IL1RAPL2: variants seen among roughly 807,000 people sequenced by gnomAD.
IL1RAPL2 encodes the protein X-linked interleukin-1 receptor accessory protein-like 2.
IL1RAPL2 carries 3 observed loss-of-function variants against 44.1 expected under a neutral mutation model. That is an observed-to-expected ratio of 0.07 (90% CI 0.03 to 0.18). The LOEUF (loss-of-function observed/expected upper bound fraction) is 0.18, where lower values mean the gene tolerates loss of function less well. Among genes scored for constraint, IL1RAPL2 ranks in the 10% least tolerant of loss-of-function variants. IL1RAPL2 has a pLI of 1.00. For missense variants in IL1RAPL2, 391 were observed against 496.4 expected (o/e 0.79, Z 2.02); for synonymous variants, 181 against 178.8 (o/e 1.01, Z -0.10).
At chrX:105,205,830 A>T (rs898500755) in intron 3 of IL1RAPL2, among the ~76,000 whole-genome samples, 2 of 109,502 alleles carry the variant, frequency 1.8e-5, no homozygotes, top group Non-Finnish European at 3.8e-5. Context: ...TCCAATTTCC[A>T]TTTAAAAAAT....
intron 2 of IL1RAPL2, among the ~76,000 whole-genome samples, chrX:105,137,044 T>G (rs2033082403): frequency 9.0e-6 from 1 of 111,388 alleles, no homozygotes; most frequent in African/African-American, 3.3e-5. Context: ...ATTGTGTGCT[T>G]TCTGATGGGA....
intron 2 of IL1RAPL2, among the ~76,000 whole-genome samples, chrX:104,935,807 T>C (rs1378969577): frequency 9.0e-6 from 1 of 111,660 alleles, no homozygotes; most frequent in Admixed American, 9.6e-5. Flanking sequence ...GGATCTCAGT[T>C]CTTGGAAACT....
chrX:105,686,170 A>G (rs2037971949), intron 6 of IL1RAPL2, among the ~76,000 whole-genome samples: 1 of 110,413 alleles, frequency 9.1e-6, no homozygotes, highest in South Asian at 3.9e-4. Context: ...ACCAGCAAAC[A>G]TCATAATGAC....
intron 1 of IL1RAPL2, among the ~76,000 whole-genome samples, chrX:104,626,300 G>A (rs191901389): frequency 3.4e-3 from 120 of 35,698 alleles, no homozygotes; most frequent in Non-Finnish European, 4.7e-3. Context: ...TGTCTCATGC[G>A]TGTGTGTGTG....
intron 6 of IL1RAPL2, among the ~76,000 whole-genome samples, chrX:105,486,734 A>ATATCTATC (rs34493388): frequency 0.11 from 11,848 of 103,758 alleles, 748 homozygotes; most frequent in African/African-American, 0.22. Flanking sequence ...CTATATATCT[A>ATATCTATC]TATCTATCTA....
At chrX:104,742,733 C>G (rs1326431910) in intron 2 of IL1RAPL2, among the ~76,000 whole-genome samples, 1 of 111,378 alleles carries the variant, frequency 9.0e-6, no homozygotes, top group Non-Finnish European at 1.9e-5. Context: ...GACATTTTAA[C>G]CCCAAATTGT....
rs554826228 is a variant in IL1RAPL2 at position 105,432,817 on chromosome X, T to C, written c.698-51496T>C. On this transcript the variant is annotated intron_variant, in intron 5 of 10. Coordinates refer to ENST00000372582, the MANE Select transcript of IL1RAPL2 (RefSeq NM_017416.2). Reference sequence around the variant, plus strand: ...CTACTTACCATACCCAGGGAACCCATTGCTAATTTGAATGACCAATTTGTT... The same window carrying C: ...CTACTTACCATACCCAGGGAACCCACTGCTAATTTGAATGACCAATTTGTT... Among the ~76,000 whole-genome samples, 271 of 110,883 alleles carry C rather than the reference T, an allele frequency of 2.4e-3. No individual in the cohort carries two copies. In the South Asian group the frequency reaches 0.03, roughly 12 times the overall value.
At chrX:105,035,337 C>G (rs1036046261) in intron 2 of IL1RAPL2, among the ~76,000 whole-genome samples, 2 of 112,012 alleles carry the variant, frequency 1.8e-5, no homozygotes, top group Non-Finnish European at 3.8e-5. Context: ...GTGTCACTCA[C>G]GCTAGGAGCT....
At chrX:105,064,084 A>C (rs938001242) in intron 2 of IL1RAPL2, among the ~76,000 whole-genome samples, 1 of 111,996 alleles carries the variant, frequency 8.9e-6, no homozygotes, top group African/African-American at 3.2e-5. Context: ...GGGCTCTACA[A>C]TCACCAGGTG....
At chrX:105,299,716 G>C (rs1480038619) in intron 5 of IL1RAPL2, among the ~76,000 whole-genome samples, 1 of 111,659 alleles carries the variant, frequency 9.0e-6, no homozygotes, top group Non-Finnish European at 1.9e-5. Context: ...GGAACAATGG[G>C]GTGCAAATGG....
At chrX:104,638,099 C>T (rs1929862309) in intron 1 of IL1RAPL2, among the ~76,000 whole-genome samples, 2 of 111,030 alleles carry the variant, frequency 1.8e-5, no homozygotes, top group Admixed American at 1.9e-4. Flanking sequence ...TGGTAAGTTG[C>T]ATGTGTCCAG....
chrX:105,008,530 G>T (rs2030986075), intron 2 of IL1RAPL2, among the ~76,000 whole-genome samples: 1 of 111,022 alleles, frequency 9.0e-6, no homozygotes, highest in Non-Finnish European at 1.9e-5. Context: ...AAATGGTGCT[G>T]GGAAAACTGG....
intron 1 of IL1RAPL2, among the ~76,000 whole-genome samples, chrX:104,596,483 A>C (rs1190112930): frequency 8.9e-6 from 1 of 111,882 alleles, no homozygotes; most frequent in Non-Finnish European, 1.9e-5. Context: ...AGTGAAGACA[A>C]ACTGGAATCC....
chrX:105,363,960 A>G (rs1489938982), intron 5 of IL1RAPL2, among the ~76,000 whole-genome samples: 1 of 111,420 alleles, frequency 9.0e-6, no homozygotes, highest in Non-Finnish European at 1.9e-5. Context: ...AATCTAATAT[A>G]TTTTTGCTCT....
intron 2 of IL1RAPL2, among the ~76,000 whole-genome samples, chrX:105,145,751 TACTAAA>T (rs1436436516): frequency 9.0e-6 from 1 of 111,301 alleles, no homozygotes. Context: ...TCTCCTTTGC[TACTAAA>T]ACTATATAGT....
At chrX:104,894,098 A>T (rs1923558344) in intron 2 of IL1RAPL2, among the ~76,000 whole-genome samples, 1 of 111,820 alleles carries the variant, frequency 8.9e-6, no homozygotes. Context: ...TTTCTTAAGT[A>T]TGTTGGATAT....
At chrX:104,820,005 T>G (rs1921257752) in intron 2 of IL1RAPL2, among the ~76,000 whole-genome samples, 1 of 111,593 alleles carries the variant, frequency 9.0e-6, no homozygotes, top group African/African-American at 3.3e-5. Context: ...AAAGTGGTCT[T>G]TATGCAACCA....
At chrX:105,098,410 T>C (rs1320054997) in intron 2 of IL1RAPL2, among the ~76,000 whole-genome samples, 1 of 112,054 alleles carries the variant, frequency 8.9e-6, no homozygotes, top group Admixed American at 9.5e-5. Flanking sequence ...AAAATCCCCA[T>C]GGGACATCAT....
At chrX:105,763,292 C>T (rs1199280648) in intron 10 of IL1RAPL2, among the ~76,000 whole-genome samples, 6 of 111,952 alleles carry the variant, frequency 5.4e-5, no homozygotes, top group Non-Finnish European at 1.1e-4. Context: ...ATGTATCAGT[C>T]TCCAGATCAC....
Sources: gnomAD v4.1 joint callset for allele counts (sites outside exome capture counted in the v4.1 genomes callset) on GRCh38, gnomAD v4.1.1 for gene constraint, MANE v1.5 for transcripts, NCBI Gene and HGNC (gene_info 2026-07-23, HGNC 2026-07-21) for gene names.